HIRA: variants seen among roughly 807,000 people sequenced by gnomAD.
HIRA encodes histone cell cycle regulator, also known as protein HIRA.
HIRA carries 13 observed loss-of-function variants against 126.6 expected under a neutral mutation model. The observed-to-expected ratio is 0.10, with a 90% CI of 0.07 to 0.16. HIRA has a LOEUF of 0.16. Among genes scored for constraint, HIRA ranks in the 10% least tolerant of loss-of-function variants. HIRA has a pLI of 1.00. For synonymous variants in HIRA, 511 were observed against 520.0 expected, an observed-to-expected ratio of 0.98 and a Z score of 0.24; for missense variants, 834 against 1,314.4, an observed-to-expected ratio of 0.63 and a Z score of 5.65.
At position 19,356,117 on chromosome 22, in the gene HIRA, C is replaced by T. The variant is rs2088809544; in HGVS notation, c.2455+113G>A. The T allele has an allele frequency of 6.8e-6, 7 of 1,026,944 alleles. No individual in the cohort carries two copies. The South Asian group carries it at 9.3e-5, about 14-fold the overall frequency. The allele number at this position is 1,026,944 out of a possible 1,614,324, so 63.6% of individuals were successfully genotyped here. On this transcript the variant is annotated intron_variant, in intron 20 of 24. Coordinates refer to ENST00000263208, the MANE Select transcript of HIRA (RefSeq NM_003325.4). Reference sequence around the variant, plus strand: ...CAGCGTAACCACACCTCCTGCCTCACTGAGAGCCCTGGGCTGAGGCCAGAG... The same window carrying T: ...CAGCGTAACCACACCTCCTGCCTCATTGAGAGCCCTGGGCTGAGGCCAGAG...
intron 15 of HIRA, among the ~76,000 whole-genome samples, chr22:19,363,487 T>C (rs895778265): frequency 6.6e-6 from 1 of 151,702 alleles, no homozygotes; most frequent in Non-Finnish European, 1.5e-5. Context: ...AAAGGGGTGA[T>C]TCTAACTATA....
chr22:19,395,792 G>A (rs1291040157), intron 7 of HIRA, among the ~76,000 whole-genome samples: 1 of 152,154 alleles, frequency 6.6e-6, no homozygotes, highest in African/African-American at 2.4e-5. Context: ...GCTTCAAGAG[G>A]AGAGACTCCA....
At chr22:19,345,133 A>T (rs1215972101) in intron 24 of HIRA, among the ~76,000 whole-genome samples, 6 of 152,214 alleles carry the variant, frequency 3.9e-5, no homozygotes, top group Non-Finnish European at 7.3e-5. Context: ...TCCTAGACAG[A>T]TCAATTAGGC....
chr22:19,374,368 G>A (rs1460486046), intron 15 of HIRA, among the ~76,000 whole-genome samples: 2 of 152,012 alleles, frequency 1.3e-5, no homozygotes, highest in African/African-American at 4.8e-5. Flanking sequence ...GCCCAGGCTG[G>A]TCTCAAACTC....
At chr22:19,409,865 C>T (rs1434616902) in intron 2 of HIRA, among the ~76,000 whole-genome samples, 1 of 151,972 alleles carries the variant, frequency 6.6e-6, no homozygotes, top group African/African-American at 2.4e-5. Flanking sequence ...CTCTCGGGTG[C>T]AGTCCACAGC....
chr22:19,364,878 C>T (rs774297264), intron 15 of HIRA, among the ~76,000 whole-genome samples: 5 of 152,128 alleles, frequency 3.3e-5, no homozygotes, highest in Non-Finnish European at 7.3e-5. Context: ...ACCTTTTGCA[C>T]CAGTTAGCCA....
intron 15 of HIRA, chr22:19,365,963 C>G (rs2088908466): frequency 1.3e-5 from 2 of 152,288 alleles, no homozygotes; most frequent in African/African-American, 4.8e-5. Context: ...CAGGTAAAAA[C>G]TCTTGTGTTG....
intron 1 of HIRA, among the ~76,000 whole-genome samples, chr22:19,417,924 G>A (rs992242176): frequency 3.9e-5 from 6 of 152,170 alleles, no homozygotes; most frequent in African/African-American, 1.4e-4. Flanking sequence ...GCCTTAAAAA[G>A]GAAAGTAGTT....
chr22:19,356,010 C>A, intron 20 of HIRA, 145 bp from the exon 21 acceptor site: 2 of 718,462 alleles, frequency 2.8e-6, no homozygotes, highest in South Asian at 1.7e-5. Flanking sequence ...GGAGGGCAAG[C>A]CATTCTCCTT....
intron 2 of HIRA, among the ~76,000 whole-genome samples, chr22:19,409,949 G>A (rs2089338897): frequency 6.6e-6 from 1 of 152,158 alleles, no homozygotes; most frequent in Non-Finnish European, 1.5e-5. Flanking sequence ...CTGGGTGGAA[G>A]CATCTGCTGG....
At chr22:19,358,637 G>A (rs2088835773) in intron 18 of HIRA, among the ~76,000 whole-genome samples, 1 of 152,214 alleles carries the variant, frequency 6.6e-6, no homozygotes, top group African/African-American at 2.4e-5. Context: ...CACGAGAATT[G>A]TGGTCTAAGA....
intron 24 of HIRA, among the ~76,000 whole-genome samples, chr22:19,334,946 G>GT (rs34158660): frequency 0.15 from 22,378 of 151,690 alleles, 1,709 homozygotes; most frequent in Non-Finnish European, 0.17. Context: ...CTATTTGTTA[G>GT]TTTTTTAGCT....
chr22:19,422,550 G>C (rs2089457263), intron 1 of HIRA, among the ~76,000 whole-genome samples: 1 of 152,060 alleles, frequency 6.6e-6, no homozygotes, highest in African/African-American at 2.4e-5. Context: ...CTCCCAATCA[G>C]TCTGCTATTC....
In HIRA at chr22:19,385,556, C is replaced by T. The variant is rs769555605; in HGVS notation, c.1294G>A (p.Val432Ile). The T allele has an allele frequency of 1.9e-5, 30 of 1,614,026 alleles. No individual in the cohort carries two copies. Among genetic ancestry groups the T allele is most frequent in the South Asian group, 7.7e-5 (7 of 91,096 alleles). Residue 432 changes from valine to isoleucine, a missense_variant, in exon 12 of 25, where the codon GTT (valine) becomes ATT (isoleucine). By Grantham distance (29) the Val-to-Ile change is conservative (BLOSUM62 3). This residue lies in a region of HIRA where 153 missense variants were observed against 270.6 expected (regional missense o/e 0.57). Coordinates refer to ENST00000263208, the MANE Select transcript of HIRA (RefSeq NM_003325.4). The part of the protein sequence containing the change: ...EMGSATSVAG[V>I]VNGESLEDIR... The stretch of plus-strand genomic sequence containing the variant: ...TCTTCAAGACTCTCCCCGTTGACAA[C>T]GCCTGCGACTGAGGTGGCTGAGCCC...
At chr22:19,332,638 A>T (rs1451729635) in intron 24 of HIRA, among the ~76,000 whole-genome samples, 2 of 151,848 alleles carry the variant, frequency 1.3e-5, no homozygotes, top group African/African-American at 4.8e-5. Flanking sequence ...AAAAAAAACC[A>T]ACACAAAATA....
intron 24 of HIRA, among the ~76,000 whole-genome samples, chr22:19,332,314 T>C (rs1174684481): frequency 6.6e-6 from 1 of 152,158 alleles, no homozygotes; most frequent in Non-Finnish European, 1.5e-5. Context: ...TAAGTGTAAC[T>C]ATTAGGTTTG....
intron 2 of HIRA, among the ~76,000 whole-genome samples, chr22:19,408,827 A>G (rs952260888): frequency 5.9e-5 from 9 of 152,212 alleles, no homozygotes; most frequent in Admixed American, 1.3e-4. Context: ...CTGACTTTAC[A>G]AAAAGAACTT....
intron 5 of HIRA, among the ~76,000 whole-genome samples, chr22:19,400,976 T>C (rs372171505): frequency 4.6e-5 from 7 of 152,176 alleles, no homozygotes; most frequent in East Asian, 1.9e-4. Flanking sequence ...GATCTACTGA[T>C]GCTGCCGTCC....
chr22:19,337,347 C>T (rs1051885181), intron 24 of HIRA, among the ~76,000 whole-genome samples: 3 of 151,820 alleles, frequency 2.0e-5, no homozygotes, highest in Non-Finnish European at 4.4e-5. Context: ...AAATAAAAGA[C>T]ACACTTAGAG....
Sources: gnomAD v4.1 joint callset for allele counts (sites outside exome capture counted in the v4.1 genomes callset) on GRCh38, gnomAD v4.1.1 for gene constraint, gnomAD v4.1.1 regional missense constraint, MANE v1.5 for transcripts, NCBI Gene and HGNC (gene_info 2026-07-23, HGNC 2026-07-21) for gene names.